LRRC63: variants seen among roughly 807,000 people sequenced by gnomAD.
The protein encoded by LRRC63 is leucine-rich repeat-containing protein 63.
In LRRC63, 40 loss-of-function variants were observed where a neutral mutation model predicts 49.5. The observed-to-expected ratio is 0.81, with a 90% confidence interval of 0.63 to 1.05. The LOEUF is 1.05. LRRC63 is among the 50% of genes least tolerant of loss of function. The pLI, the probability that LRRC63 is intolerant of heterozygous loss-of-function variation, is 0.00. For missense variants in LRRC63, 636 were observed against 663.1 expected (o/e 0.96, Z 0.45); for synonymous variants, 191 against 221.1 (o/e 0.86, Z 1.21).
At chr13:46,238,875 T>A (rs1026124909) in intron 5 of LRRC63, among the ~76,000 whole-genome samples, 2 of 152,200 alleles carry the variant, frequency 1.3e-5, no homozygotes, top group African/African-American at 4.8e-5. Flanking sequence ...TTAAATGACA[T>A]GCTCCTGAAT....
At chr13:46,260,726 G>A (rs74069596) in intron 7 of LRRC63, among the ~76,000 whole-genome samples, 3 of 152,030 alleles carry the variant, frequency 2.0e-5, no homozygotes, top group South Asian at 2.1e-4. Flanking sequence ...GAAATTTTAC[G>A]TGTTATTTAG....
chr13:46,255,545 G>A (rs1043538396), intron 7 of LRRC63, among the ~76,000 whole-genome samples: 3 of 151,476 alleles, frequency 2.0e-5, no homozygotes, highest in Admixed American at 6.6e-5. Flanking sequence ...GTATGTACTT[G>A]TAGTCCCAGT....
intron 2 of LRRC63, among the ~76,000 whole-genome samples, chr13:46,219,904 CCCT>C (rs1433444493): frequency 1.3e-5 from 2 of 152,204 alleles, no homozygotes; most frequent in Non-Finnish European, 2.9e-5. Flanking sequence ...CCACTCCAGA[CCCT>C]GTTTGCCTGG....
intron 9 of LRRC63, among the ~76,000 whole-genome samples, chr13:46,273,469 G>A (rs2047787277): frequency 5.9e-5 from 9 of 151,918 alleles, no homozygotes; most frequent in Admixed American, 5.9e-4. Context: ...GGGCGTGCTG[G>A]CGGGCACCTG....
chr13:46,227,630 C>G (rs2046614215), exon 3 of LRRC63: 1 of 1,550,008 alleles, frequency 6.5e-7, no homozygotes, highest in African/African-American at 1.4e-5. Context: ...TAACACCTAT[C>G]AATATCCAAA....
intron 1 of LRRC63, among the ~76,000 whole-genome samples, chr13:46,212,577 G>T (rs560917255): frequency 1.1e-4 from 16 of 152,226 alleles, no homozygotes; most frequent in Non-Finnish European, 2.1e-4. Context: ...TCTAATGAAG[G>T]CATCTTCTAC....
chr13:46,228,093 A>G (rs1045564176), exon 3 of LRRC63: 2 of 1,550,824 alleles, frequency 1.3e-6, no homozygotes, highest in Non-Finnish European at 1.7e-6. Context: ...TTTTAAATCA[A>G]CTGCTACATT....
intron 5 of LRRC63, among the ~76,000 whole-genome samples, chr13:46,237,144 C>T (rs773775239): frequency 6.6e-6 from 1 of 151,990 alleles, no homozygotes; most frequent in Non-Finnish European, 1.5e-5. Context: ...ATGAACAAAA[C>T]CAACAATGAC....
At chr13:46,214,760 C>T (rs1212391156) in intron 2 of LRRC63, among the ~76,000 whole-genome samples, 1 of 152,028 alleles carries the variant, frequency 6.6e-6, no homozygotes, top group Non-Finnish European at 1.5e-5. Flanking sequence ...GTTTTCTCCC[C>T]TCACCCTCCA....
intron 5 of LRRC63, among the ~76,000 whole-genome samples, chr13:46,241,593 C>T (rs540210014): frequency 1.8e-4 from 28 of 152,066 alleles, no homozygotes; most frequent in Middle Eastern, 3.4e-3. Context: ...GCCTAATATC[C>T]GGCATTTATA....
chr13:46,276,563 A>T, intron 9 of LRRC63, 27 bp from the exon 10 acceptor site: 1 of 1,117,300 alleles, frequency 9.0e-7, no homozygotes, highest in Non-Finnish European at 1.1e-6. Flanking sequence ...TTTATTAAAT[A>T]TTGACTTGCT....
intron 9 of LRRC63, among the ~76,000 whole-genome samples, chr13:46,268,178 T>A (rs762388869): frequency 7.9e-5 from 12 of 152,170 alleles, no homozygotes; most frequent in Non-Finnish European, 1.6e-4. Context: ...AAATGTTAAG[T>A]AAAATGAAAT....
chr13:46,219,404 C>T (rs1275855432), intron 2 of LRRC63, among the ~76,000 whole-genome samples: 1 of 152,150 alleles, frequency 6.6e-6, no homozygotes, highest in Non-Finnish European at 1.5e-5. Context: ...GCTTTTGATA[C>T]TTGTGTATGC....
intron 2 of LRRC63, among the ~76,000 whole-genome samples, chr13:46,226,344 G>A (rs2046576286): frequency 6.6e-6 from 1 of 152,076 alleles, no homozygotes; most frequent in Non-Finnish European, 1.5e-5. Flanking sequence ...GGCAAGGTGT[G>A]GGGAAGAGTT....
chr13:46,227,286 C>T (rs2046604403), intron 2 of LRRC63, among the ~76,000 whole-genome samples: 1 of 152,146 alleles, frequency 6.6e-6, no homozygotes, highest in Non-Finnish European at 1.5e-5. Flanking sequence ...AGCTCTCTAC[C>T]CTTTTAAAAT....
exon 3 of LRRC63, chr13:46,228,099 A>G: frequency 6.4e-7 from 1 of 1,550,780 alleles, no homozygotes; most frequent in Non-Finnish European, 8.7e-7. Flanking sequence ...ATCAACTGCT[A>G]CATTGACACT....
intron 2 of LRRC63, among the ~76,000 whole-genome samples, chr13:46,217,341 G>T (rs747347765): frequency 3.3e-5 from 5 of 152,168 alleles, no homozygotes; most frequent in Non-Finnish European, 5.9e-5. Context: ...ATCTTGGGGA[G>T]GGTGTATGTG....
At chr13:46,223,352 A>G (rs1203733304) in intron 2 of LRRC63, among the ~76,000 whole-genome samples, 2 of 151,834 alleles carry the variant, frequency 1.3e-5, no homozygotes, top group Non-Finnish European at 2.9e-5. Flanking sequence ...TCCATTGAGC[A>G]TTTCTTGTAG....
At chr13:46,228,586 A>G in intron 3 of LRRC63, 79 bp from the exon 4 acceptor site, 2 of 819,832 alleles carry the variant, frequency 2.4e-6, no homozygotes, top group East Asian at 2.7e-5. Flanking sequence ...ATGATGAACA[A>G]TTATATTGAA....
Sources: allele counts gnomAD v4.1 joint callset (sites outside exome capture counted in the v4.1 genomes callset), GRCh38; gene constraint gnomAD v4.1.1; transcripts MANE v1.5; gene names NCBI Gene and HGNC (gene_info 2026-07-23, HGNC 2026-07-21).